The following WWC1 variants were observed in gnomAD, a reference collection of about 807,000 sequenced individuals.
WWC1 encodes protein KIBRA.
A neutral mutation model predicts 138.4 loss-of-function variants in WWC1; 55 were observed. The ratio of observed to expected loss-of-function variants is 0.40; its 90% confidence interval spans 0.32 to 0.50. WWC1 has a LOEUF of 0.50. Ranked by LOEUF, WWC1 falls within the 20% of genes least tolerant of loss-of-function variation. WWC1 has a pLI of 0.72. For missense variants in WWC1, 1,226 were observed against 1,420.4 expected, an observed-to-expected ratio of 0.86 and a Z score of 2.20; for synonymous variants, 524 against 564.9, an observed-to-expected ratio of 0.93 and a Z score of 1.03.
intron 3 of WWC1, among the ~76,000 whole-genome samples, chr5:168,393,565 C>T (rs1255728847): frequency 3.9e-5 from 6 of 152,072 alleles, no homozygotes; most frequent in African/African-American, 7.2e-5. Context: ...TATTTTCAGA[C>T]GTGTGAGATT....
intron 1 of WWC1, among the ~76,000 whole-genome samples, chr5:168,337,595 A>G (rs17731499): frequency 3.3e-5 from 5 of 152,182 alleles, no homozygotes; most frequent in Non-Finnish European, 5.9e-5. Context: ...TTAAGCATCC[A>G]TCAGGCAGGC....
intron 2 of WWC1, among the ~76,000 whole-genome samples, chr5:168,380,402 T>C (rs1466373991): frequency 6.6e-6 from 1 of 151,838 alleles, no homozygotes; most frequent in African/African-American, 2.4e-5. Context: ...AGCCCAGGAG[T>C]TGAAGACCAG....
rs893906652 is a variant in WWC1, at chr5:168,302,307, AT to A, written c.119+10039del. 1.5e-4 allele frequency among the ~76,000 whole-genome samples: 23 copies of A among 152,268 alleles called. 2 individuals carry two copies. The East Asian group carries it at 4.4e-3, about 29-fold the overall frequency. On this transcript the variant is annotated intron_variant, in intron 1 of 22. Transcript: ENST00000265293. Reference sequence around the variant, plus strand: ...GGGGTTGGCCATTCACTCAGCAGGTATTTATGGAGTGCCTACTGTGCTCAGA... The same window carrying A: ...GGGGTTGGCCATTCACTCAGCAGGTATTATGGAGTGCCTACTGTGCTCAGA...
chr5:168,341,518 T>C (rs913444570), intron 1 of WWC1, among the ~76,000 whole-genome samples: 1 of 152,098 alleles, frequency 6.6e-6, no homozygotes, highest in Non-Finnish European at 1.5e-5. Flanking sequence ...AGATCACTGA[T>C]GTCCCAGTCT....
chr5:168,306,468 A>G (rs762555843), intron 1 of WWC1, among the ~76,000 whole-genome samples: 3 of 152,146 alleles, frequency 2.0e-5, no homozygotes, highest in South Asian at 2.1e-4. Flanking sequence ...TTCTATGCCT[A>G]TCTTCTTATT....
At chr5:168,356,967 A>C (rs1012868830) in intron 1 of WWC1, among the ~76,000 whole-genome samples, 5 of 152,180 alleles carry the variant, frequency 3.3e-5, no homozygotes, top group Non-Finnish European at 7.3e-5. Context: ...TCTGAGTGTC[A>C]TCTGTAAAAC....
chr5:168,397,444 C>G (rs755091227), intron 3 of WWC1, among the ~76,000 whole-genome samples: 2 of 152,076 alleles, frequency 1.3e-5, no homozygotes, highest in Non-Finnish European at 2.9e-5. Context: ...TGCCTGGCCC[C>G]AAATTTAAAT....
intron 5 of WWC1, among the ~76,000 whole-genome samples, chr5:168,401,818 G>A (rs1020137740): frequency 2.6e-4 from 39 of 152,072 alleles, no homozygotes; most frequent in African/African-American, 8.7e-4. Context: ...ATGCTTCTTG[G>A]TAATCTTCAG....
chr5:168,400,477 T>A (rs1215370596), intron 5 of WWC1, among the ~76,000 whole-genome samples: 1 of 152,202 alleles, frequency 6.6e-6, no homozygotes, highest in Non-Finnish European at 1.5e-5. Flanking sequence ...GTTGTGATTG[T>A]GACGATATTA....
intron 6 of WWC1, among the ~76,000 whole-genome samples, chr5:168,407,239 A>C (rs1418697395): frequency 1.3e-5 from 2 of 152,208 alleles, no homozygotes; most frequent in Admixed American, 1.3e-4. Context: ...GATATTATGT[A>C]ATGTGCCAGG....
intron 1 of WWC1, among the ~76,000 whole-genome samples, chr5:168,342,152 C>G (rs1774087298): frequency 6.6e-6 from 1 of 152,164 alleles, no homozygotes. Context: ...GGGGGACTTA[C>G]TGAAAGACTT....
intron 2 of WWC1, among the ~76,000 whole-genome samples, chr5:168,378,460 G>T (rs902882158): frequency 6.6e-6 from 1 of 151,980 alleles, no homozygotes; most frequent in Non-Finnish European, 1.5e-5. Flanking sequence ...AACACATAAT[G>T]GAAGTACCAT....
chr5:168,453,798 G>A (rs1204193252), intron 17 of WWC1, among the ~76,000 whole-genome samples, 170 bp from the exon 18 acceptor site: 1 of 152,010 alleles, frequency 6.6e-6, no homozygotes, highest in East Asian at 1.9e-4. Flanking sequence ...TGCCTGCCTC[G>A]GCCTCCCAAA....
At chr5:168,340,558 A>G (rs1773958506) in intron 1 of WWC1, among the ~76,000 whole-genome samples, 1 of 151,562 alleles carries the variant, frequency 6.6e-6, no homozygotes, top group African/African-American at 2.4e-5. Flanking sequence ...CCTATCCTGG[A>G]CATTTCATAT....
chr5:168,330,230 T>C (rs1033538335), intron 1 of WWC1, among the ~76,000 whole-genome samples: 1 of 152,206 alleles, frequency 6.6e-6, no homozygotes, highest in African/African-American at 2.4e-5. Context: ...CAACAATGCA[T>C]TGGACAGGAG....
intron 3 of WWC1, among the ~76,000 whole-genome samples, chr5:168,389,597 G>GTTTTTTTTTTTTTTTTTTTTTTTTTT (rs55873477): frequency 7.7e-6 from 1 of 129,336 alleles, no homozygotes; most frequent in Non-Finnish European, 1.6e-5. Flanking sequence ...TTGAATTTTT[G>GTTTTTTTTTTTTTTTTTTTTTTTTTT]TTTTTTTTTT....
At chr5:168,439,432 C>A (rs1349610497) in intron 15 of WWC1, among the ~76,000 whole-genome samples, 1 of 150,210 alleles carries the variant, frequency 6.7e-6, no homozygotes, top group East Asian at 2.0e-4. Context: ...CGAGACCAGC[C>A]TGACCGACAT....
At chr5:168,399,354 G>A (rs150155675) in intron 4 of WWC1, 134 bp from the exon 5 acceptor site, 14 of 803,836 alleles carry the variant, frequency 1.7e-5, no homozygotes, top group African/African-American at 1.4e-4. Context: ...TGACCAGTGT[G>A]GCGCAAGGGG....
chr5:168,292,263 G>A lies in WWC1; in HGVS notation c.111G>A (p.Pro37=), dbSNP rs376695378. 2.2e-5 allele frequency: 35 copies of A among 1,598,068 alleles called. No homozygotes were observed. The highest frequency in any genetic ancestry group is 1.6e-5 in the Non-Finnish European group (19 of 1,173,202). Residue 37 remains proline, a synonymous_variant, in exon 1 of 23, where the codon CCG becomes CCA. Coordinates refer to ENST00000265293, the MANE Select transcript of WWC1 (RefSeq NM_015238.3). The surrounding 1 kb of genome is among the most constrained non-coding windows in gnomAD (Gnocchi z 4.4). ...ACCGCACCACCAGCTGGATCGACCC[G>A]CGGGACAGGTAGGACCCTGGAACCC... ...HTNRTTSWID[P]RDRYTKPLTF...
Sources: allele counts gnomAD v4.1 joint callset (sites outside exome capture counted in the v4.1 genomes callset), GRCh38; gene constraint gnomAD v4.1.1; non-coding constraint Gnocchi (gnomAD v3.1); transcripts MANE v1.5; gene names NCBI Gene and HGNC (gene_info 2026-07-23, HGNC 2026-07-21).